The following NOL4L variants were observed in gnomAD, a reference collection of about 807,000 sequenced individuals.
NOL4L encodes nucleolar protein 4-like.
In NOL4L, 7 loss-of-function variants were observed where a neutral mutation model predicts 64.5. That is an observed-to-expected ratio of 0.11 (90% confidence interval 0.06 to 0.20). NOL4L has a LOEUF of 0.20. Among genes scored for constraint, NOL4L ranks in the 10% least tolerant of loss-of-function variants. The probability of loss-of-function intolerance (pLI) is 1.00; values close to 1 mark genes in which losing one functional copy is unlikely to be tolerated. For missense variants in NOL4L, 680 were observed against 967.1 expected (o/e 0.70, Z 3.94); for synonymous variants, 413 against 401.0 (o/e 1.03, Z -0.36).
Position 32,447,798 on chromosome 20 carries a change from A to C in NOL4L, c.1841T>G (p.Met614Arg), listed in dbSNP as rs764377090. ...GGAGGTGGTAGAGGCCCCGCCTTTC[A>C]TGCTGAGGTCCGTGGGCCCTGTGGA... Reference protein sequence around the residue: ...NHSNGPTDLSMKGGASTTSTT... With the variant: ...NHSNGPTDLSRKGGASTTSTT... Residue 614 changes from methionine (M) to arginine (R), a missense_variant, in exon 11 of 11, where the codon ATG (methionine) becomes AGG (arginine). Around this residue, in one of 4 missense-constraint regions of NOL4L, gnomAD observed 175 missense variants for 227.0 expected, o/e 0.77. Transcript: ENST00000621426. 3.2e-6 allele frequency: 5 copies of C among 1,565,900 alleles called. No individual in the cohort carries two copies. In the East Asian group the frequency reaches 1.1e-4, roughly 35 times the overall value.
intron 1 of NOL4L, among the ~76,000 whole-genome samples, chr20:32,568,015 C>T (rs952137441): frequency 3.3e-5 from 5 of 151,718 alleles, no homozygotes; most frequent in Non-Finnish European, 5.9e-5. Context: ...TCACCATCAT[C>T]ATCACCACCA....
At chr20:32,481,215 C>T (rs1197273867) in intron 4 of NOL4L, among the ~76,000 whole-genome samples, 1 of 152,188 alleles carries the variant, frequency 6.6e-6, no homozygotes. Context: ...GGCTTTTGTT[C>T]CTAAGCAAAG....
At chr20:32,532,108 G>A (rs1376299100) in intron 1 of NOL4L, among the ~76,000 whole-genome samples, 1 of 152,174 alleles carries the variant, frequency 6.6e-6, no homozygotes, top group Non-Finnish European at 1.5e-5. Flanking sequence ...TTTGCACCTG[G>A]TCCAATGTGA....
chr20:32,513,571 G>A (rs2017507794), intron 3 of NOL4L, among the ~76,000 whole-genome samples: 1 of 152,150 alleles, frequency 6.6e-6, no homozygotes, highest in African/African-American at 2.4e-5. Flanking sequence ...TCTTTAAAAT[G>A]GAACGATTAA....
intron 4 of NOL4L, chr20:32,485,879 T>G (rs1002246002): frequency 4.8e-6 from 2 of 412,390 alleles, no homozygotes; most frequent in African/African-American, 4.2e-5. Flanking sequence ...CATCTGAGCT[T>G]GAAATATAAA....
chr20:32,528,464 G>A (rs916046239), intron 1 of NOL4L, among the ~76,000 whole-genome samples: 5 of 152,046 alleles, frequency 3.3e-5, no homozygotes, highest in South Asian at 2.1e-4. Flanking sequence ...AACGGCACCC[G>A]GGCCCTTTGT....
chr20:32,515,561 G>T (rs761763786), intron 3 of NOL4L, among the ~76,000 whole-genome samples: 2 of 151,918 alleles, frequency 1.3e-5, no homozygotes, highest in African/African-American at 4.8e-5. Flanking sequence ...GGAAAGAGAC[G>T]GAGCAGGGGC....
chr20:32,576,041 GCGAGA>G (rs934575532), intron 1 of NOL4L, among the ~76,000 whole-genome samples: 1 of 152,228 alleles, frequency 6.6e-6, no homozygotes, highest in Non-Finnish European at 1.5e-5. Flanking sequence ...AATGAACGAG[GCGAGA>G]GGGAATTGAG....
intron 4 of NOL4L, among the ~76,000 whole-genome samples, chr20:32,479,538 C>T (rs1479760460): frequency 2.0e-5 from 3 of 152,168 alleles, no homozygotes; most frequent in South Asian, 4.1e-4. Context: ...TCAAGACCCA[C>T]CTGGGCAACA....
rs761834906 is a variant in NOL4L at position 32,520,942 on chromosome 20, C to T, written c.478-20G>A. 2.9e-5 allele frequency: 44 copies of T among 1,516,214 alleles called. 1 individual carries two copies. The South Asian group carries it at 4.3e-4, about 15-fold the overall frequency. 93.9% of individuals were successfully genotyped at this position (1,516,214 alleles called of 1,614,324 possible). On this transcript the variant is annotated intron_variant, in intron 2 of 10. Transcript: ENST00000621426. ...TGCGATCTGGAGGAGAGAAGAGCTT[C>T]GCTTGTTATATGGATCTGTGGGGAG...
intron 2 of NOL4L, among the ~76,000 whole-genome samples, chr20:32,525,129 G>A (rs532165939): frequency 6.6e-6 from 1 of 152,340 alleles, no homozygotes; most frequent in South Asian, 2.1e-4. Flanking sequence ...GCAGAGCAAA[G>A]GGCTGGATGT....
chr20:32,583,346 G>A (rs1245087815), intron 1 of NOL4L, among the ~76,000 whole-genome samples: 1 of 150,436 alleles, frequency 6.6e-6, no homozygotes, highest in East Asian at 2.0e-4. Context: ...AGGGGGAGGG[G>A]ACAAGTGCAC....
chr20:32,500,906 C>T (rs2016898803), intron 4 of NOL4L, among the ~76,000 whole-genome samples: 1 of 152,134 alleles, frequency 6.6e-6, no homozygotes, highest in Non-Finnish European at 1.5e-5. Context: ...CTATGAGTCT[C>T]GACTTCTATA....
At chr20:32,554,123 A>G (rs899149605) in intron 1 of NOL4L, among the ~76,000 whole-genome samples, 2 of 152,114 alleles carry the variant, frequency 1.3e-5, no homozygotes, top group African/African-American at 4.8e-5. Context: ...GATCGAGACC[A>G]TCCTGGCTAA....
chr20:32,455,402 G>GCAGT (rs2013392375), intron 6 of NOL4L, among the ~76,000 whole-genome samples: 1 of 152,242 alleles, frequency 6.6e-6, no homozygotes, highest in African/African-American at 2.4e-5. Context: ...AATGAGGCAG[G>GCAGT]CAGTAGCACC....
intron 4 of NOL4L, among the ~76,000 whole-genome samples, chr20:32,491,124 A>AC (rs2016451359): frequency 6.6e-6 from 1 of 152,224 alleles, no homozygotes; most frequent in South Asian, 2.1e-4. Flanking sequence ...CTCAGGGTTG[A>AC]CCATAGGGAG....
Position 32,447,662 on chromosome 20 carries a change from C to G in NOL4L, c.1977G>C (p.Arg659=), listed in dbSNP as rs1418301655. The change falls in exon 11 of 11, where the codon CGG becomes CGC. Residue 659 remains arginine, a synonymous_variant. Coordinates refer to ENST00000621426, the MANE Select transcript of NOL4L (RefSeq NM_001256798.2). Reference sequence around the variant, plus strand: ...AGCGCAGCAGGAAGGCAGCAGACTCCCGGTAGCCCGCGATGAGCTGCCGCA... The same window carrying G: ...AGCGCAGCAGGAAGGCAGCAGACTCGCGGTAGCCCGCGATGAGCTGCCGCA... The part of the protein sequence containing the change: ...SAVRQLIAGY[R]ESAAFLLRSA... The G allele has an allele frequency of 1.2e-6, 2 of 1,612,104 alleles. No individual in the cohort carries two copies. The highest frequency in any genetic ancestry group is 1.7e-6 in the Non-Finnish European group (2 of 1,179,968).
At position 32,474,514 on chromosome 20, in the gene NOL4L, G is replaced by A. The variant is rs571069605; in HGVS notation, c.841+87C>T. 30 of 1,473,664 alleles carry A rather than the reference G, an allele frequency of 2.0e-5. No homozygotes were observed. In the African/African-American group the frequency reaches 3.6e-4, roughly 18 times the overall value. 91.3% of individuals were successfully genotyped at this position (1,473,664 alleles called of 1,614,324 possible). On this transcript the variant is annotated intron_variant, in intron 5 of 10. Transcript: ENST00000621426. The stretch of plus-strand genomic sequence containing the variant: ...CCTTGGCCCAGATTCCGCCACCCTG[G>A]AGTGTGTCCACACCTCTCACCTGAG...
At chr20:32,500,534 C>A (rs868328239) in intron 4 of NOL4L, among the ~76,000 whole-genome samples, 1 of 109,224 alleles carries the variant, frequency 9.2e-6, no homozygotes, top group Non-Finnish European at 1.8e-5. Flanking sequence ...TTTTGTATTT[C>A]TTTCTTTTTT....
Sources: allele counts gnomAD v4.1 joint callset (sites outside exome capture counted in the v4.1 genomes callset), GRCh38; gene constraint gnomAD v4.1.1; regional missense constraint gnomAD v4.1.1; transcripts MANE v1.5; gene names NCBI Gene and HGNC (gene_info 2026-07-23, HGNC 2026-07-21).